The following CRYBG2 variants were observed in gnomAD, a reference collection of about 807,000 sequenced individuals.
The protein encoded by CRYBG2 is crystallin beta-gamma domain containing 2.
In CRYBG2, 106 loss-of-function variants were observed where a neutral mutation model predicts 153.4. The ratio of observed to expected loss-of-function variants is 0.69; its 90% confidence interval spans 0.59 to 0.81. The LOEUF is 0.81. CRYBG2 is among the 30% of genes least tolerant of loss of function. The pLI is 0.00. For missense variants in CRYBG2, 1,996 were observed against 2,112.0 expected (o/e 0.95, Z 1.08); for synonymous variants, 851 against 877.8 (o/e 0.97, Z 0.54).
At position 26,339,382 on chromosome 1, in the gene CRYBG2, C is replaced by T. The variant is rs142035096; in HGVS notation, c.3252G>A (p.Lys1084=). ...EISLFSEEGL[K]GEQVKLTEAL... Reference sequence around the variant, plus strand: ...CCTCTGTTAGCTTCACTTGCTCCCCCTTGAGGCCCTCCTCAGAGAAGAGGC... The same window carrying T: ...CCTCTGTTAGCTTCACTTGCTCCCCTTTGAGGCCCTCCTCAGAGAAGAGGC... The change falls in exon 6 of 20, where the codon AAG becomes AAA. Residue 1084 remains lysine (K), a synonymous_variant. Coordinates refer to ENST00000308182, the MANE Select transcript of CRYBG2 (RefSeq NM_001039775.4). 1.0e-3 allele frequency: 1,631 copies of T among 1,614,218 alleles called. 3 individuals are homozygous for T. Among genetic ancestry groups the T allele is most frequent in the Non-Finnish European group, 1.2e-3 (1,474 of 1,180,048 alleles).
In CRYBG2 at chr1:26,336,859, A is replaced by C. The variant is rs746110728; in HGVS notation, c.3893T>G (p.Ile1298Ser). The change falls in exon 11 of 20, where the codon ATC (isoleucine) becomes AGC (serine). Residue 1298 changes from isoleucine to serine, a missense_variant. By Grantham distance (142) the Ile-to-Ser change is moderately radical. Transcript: ENST00000308182. The surrounding 1 kb of genome is among the most constrained non-coding windows in gnomAD (Gnocchi z 4.9). ...LVQHGPSTQA[I>S]HVLSGVWVAY... is the part of the protein sequence containing the mutation. ...CACTTACACGCCGCTGAGCACGTGG[A>C]TGGCCTGTGTGCTGGGGCCGTGTTG... 9.4e-6 allele frequency: 15 copies of C among 1,602,772 alleles called. No individual in the cohort carries two copies. The highest frequency in any genetic ancestry group is 1.3e-5 in the Non-Finnish European group (15 of 1,175,442).
Position 26,337,341 on chromosome 1 carries a change from T to C in CRYBG2, c.3683A>G (p.Gln1228Arg), listed in dbSNP as rs1334060094. ...GTATTCCCCCTCCTCCAGCAGATAC[T>C]GGTGGCCCCGGAAGCCCTCCTTCTC... ...GYEKEGFRGH[Q>R]YLLEEGEYPD... The change falls in exon 10 of 20, where the codon CAG becomes CGG. Residue 1228 changes from glutamine (Q) to arginine (R), a missense_variant. Gln to Arg is a conservative substitution (Grantham distance 43). Transcript: ENST00000308182. 1 of 1,613,854 alleles carries C rather than the reference T, an allele frequency of 6.2e-7. No individual in the cohort carries two copies. The highest frequency in any genetic ancestry group is 8.5e-7 in the Non-Finnish European group (1 of 1,179,946).
rs776751400 is a variant in CRYBG2, at chr1:26,345,932, C to T, written c.726G>A (p.Val242=). 1 of 1,596,206 alleles carries T rather than the reference C, an allele frequency of 6.3e-7. No homozygotes were observed. Among genetic ancestry groups the T allele is most frequent in the Non-Finnish European group, 8.5e-7 (1 of 1,178,532 alleles). ...SQAVKVLSNL[V]PAGHSPPASH... ...TGGCAGGGGGGCTGTGCCCAGCAGG[C>T]ACGAGGTTACTTAGCACTTTCACGG... is the stretch of plus-strand genomic sequence containing the variant. Residue 242 remains valine (V), a synonymous_variant, in exon 2 of 20, where the codon GTG becomes GTA. Coordinates refer to ENST00000308182, the MANE Select transcript of CRYBG2 (RefSeq NM_001039775.4).
Position 26,336,978 on chromosome 1 carries a change from G to A in CRYBG2, c.3774C>T (p.Asp1258=). 1 of 1,613,680 alleles carries A rather than the reference G, an allele frequency of 6.2e-7. No individual in the cohort carries two copies. The highest frequency in any genetic ancestry group is 1.1e-5 in the South Asian group (1 of 91,008). ...LLTSLRVIRT[D]FGDPAVVLFE... is the part of the protein sequence containing the mutation. ...ATAGCACGACGGCCGGGTCCCCGAA[G>A]TCCTGGGTCCCCAGGGACAGTCAGG... is the stretch of plus-strand genomic sequence containing the variant. The change falls in exon 11 of 20, where the codon GAC becomes GAT. Residue 1258 remains aspartate, a splice_region_variant and synonymous_variant. Transcript: ENST00000308182. This position sits in a 1 kb window ranked among gnomAD's most constrained non-coding sequence, Gnocchi z 4.9.
In CRYBG2 at chr1:26,346,153, G is replaced by A. The variant is rs768289798; in HGVS notation, c.505C>T (p.Leu169Phe). The A allele has an allele frequency of 1.3e-6, 2 of 1,552,242 alleles. No individual in the cohort carries two copies. Among genetic ancestry groups the A allele is most frequent in the Non-Finnish European group, 8.7e-7 (1 of 1,154,740 alleles). The change falls in exon 2 of 20, where the codon CTC (leucine) becomes TTC (phenylalanine). Residue 169 changes from leucine to phenylalanine, a missense_variant. Physicochemically the swap from Leu to Phe is conservative, Grantham distance 22. Coordinates refer to ENST00000308182, the MANE Select transcript of CRYBG2 (RefSeq NM_001039775.4). This position sits in a 1 kb window ranked among gnomAD's most constrained non-coding sequence, Gnocchi z 4.9. ...GTGCGTGTCACTCGGTATTCCTCGA[G>A]GCTCCGGGAGCTACCACTGGTGAGA... ...VGLTSGSSRS[L>F]EEYRVTRTVR... is the part of the protein sequence containing the mutation.
chr1:26,322,084 A>G, intron 19 of CRYBG2, 28 bp from the exon 20 acceptor site: 4 of 1,601,806 alleles, frequency 2.5e-6, no homozygotes, highest in Non-Finnish European at 3.4e-6. Flanking sequence ...ATTAAAAGAT[A>G]GGGAGATAGT....
In CRYBG2 at chr1:26,336,251, T is replaced by C; in HGVS notation, c.4072-44A>G. The C allele has an allele frequency of 6.3e-7, 1 of 1,583,864 alleles. No homozygotes were observed. The highest frequency in any genetic ancestry group is 2.3e-5 in the East Asian group (1 of 43,194). On this transcript the variant is annotated intron_variant, in intron 13 of 19. Coordinates refer to ENST00000308182, the MANE Select transcript of CRYBG2 (RefSeq NM_001039775.4). The surrounding 1 kb of genome is among the most constrained non-coding windows in gnomAD (Gnocchi z 4.9). The stretch of plus-strand genomic sequence containing the variant: ...GATGAGGGGAAGGAGGACGATGGAG[T>C]GGGGCCGAGAACAGCGGGGAGGGGA...
chr1:26,332,033 C>T (rs1216570027), intron 14 of CRYBG2, among the ~76,000 whole-genome samples: 2 of 152,070 alleles, frequency 1.3e-5, no homozygotes, highest in South Asian at 2.1e-4. Context: ...GTGGGCTGGG[C>T]GCGGTGGCTC....
rs773412646 is a variant in CRYBG2, at chr1:26,331,476, C to T, written c.4314+13G>A. The stretch of plus-strand genomic sequence containing the variant: ...GCTTCCGGGATTGCCTGGAACCAGA[C>T]ATGGAAACTCACCAGGGATACCTTC... On this transcript the variant is annotated intron_variant, in intron 15 of 19. Coordinates refer to ENST00000308182, the MANE Select transcript of CRYBG2 (RefSeq NM_001039775.4). The T allele has an allele frequency of 6.2e-7, 1 of 1,606,276 alleles. No individual in the cohort carries two copies. Among genetic ancestry groups the T allele is most frequent in the Non-Finnish European group, 8.5e-7 (1 of 1,173,928 alleles).
intron 1 of CRYBG2, among the ~76,000 whole-genome samples, chr1:26,348,733 T>G (rs2074253842): frequency 1.3e-5 from 2 of 151,916 alleles, no homozygotes; most frequent in Admixed American, 6.5e-5. Flanking sequence ...TTTTTGTATT[T>G]TTAGTAGAGA....
chr1:26,339,842 A>G (rs967084032), intron 5 of CRYBG2, among the ~76,000 whole-genome samples: 1 of 152,202 alleles, frequency 6.6e-6, no homozygotes, highest in Non-Finnish European at 1.5e-5. Flanking sequence ...CTTCTGAGAA[A>G]ACCTTTGTAG....
In CRYBG2 at chr1:26,343,944, C is replaced by T; in HGVS notation, c.2714G>A (p.Gly905Glu). The change falls in exon 2 of 20, where the codon GGA becomes GAA. Residue 905 changes from glycine to glutamate, a missense_variant. Transcript: ENST00000308182. This position sits in a 1 kb window ranked among gnomAD's most constrained non-coding sequence, Gnocchi z 4.1. ...CAGACTGCCGAACAGAAGGCTGCCT[C>T]CAAGACGGGAAGTGGGCCTGCTGCC... ...QGGSRPTSRL[G>E]GSLLFGSLVP... 2 of 1,539,886 alleles carry T rather than the reference C, an allele frequency of 1.3e-6. No individual in the cohort carries two copies. The highest frequency in any genetic ancestry group is 1.7e-6 in the Non-Finnish European group (2 of 1,146,158).
chr1:26,340,054 A>G (rs1470447653), intron 5 of CRYBG2, among the ~76,000 whole-genome samples: 1 of 152,220 alleles, frequency 6.6e-6, no homozygotes, highest in Non-Finnish European at 1.5e-5. Context: ...GATGGGCAAG[A>G]TGGACAGCCA....
At chr1:26,342,561 G>A (rs757187776) in intron 5 of CRYBG2, among the ~76,000 whole-genome samples, 193 bp downstream of exon 5, 7 of 152,102 alleles carry the variant, frequency 4.6e-5, no homozygotes, top group South Asian at 2.1e-4. Flanking sequence ...CAGCACACTC[G>A]GCTAATTTTT....
chr1:26,340,902 C>T (rs1393810635), intron 5 of CRYBG2, among the ~76,000 whole-genome samples: 1 of 149,738 alleles, frequency 6.7e-6, no homozygotes, highest in Non-Finnish European at 1.5e-5. Flanking sequence ...CAGGCGTGAG[C>T]CACCGCGTCC....
chr1:26,337,733 A>C, intron 8 of CRYBG2, 59 bp from the exon 9 acceptor site: 1 of 1,586,182 alleles, frequency 6.3e-7, no homozygotes, highest in Non-Finnish European at 8.5e-7. Flanking sequence ...CCAGCTCAGG[A>C]ATGGCTCTGC....
At position 26,345,429 on chromosome 1, in the gene CRYBG2, C is replaced by G. The variant is rs77912442; in HGVS notation, c.1229G>C (p.Ser410Thr). The G allele has an allele frequency of 3.1e-3, 4,976 of 1,608,224 alleles. 142 individuals are homozygous for G. The African/African-American group carries it at 0.058, about 19-fold the overall frequency. Residue 410 changes from serine to threonine, a missense_variant, in exon 2 of 20, where the codon AGC becomes ACC. Physicochemically the swap from Ser to Thr is moderately conservative, Grantham distance 58. Transcript: ENST00000308182. Reference protein sequence around the residue: ...PAATVLPMVRSEHVTVPGQPP... With the variant: ...PAATVLPMVRTEHVTVPGQPP... ...TTGTCCAGGGACTGTCACATGCTCGCTCCTCACCATGGGCAGGACGGTGGC... is the reference window on the plus strand; with the variant it reads ...TTGTCCAGGGACTGTCACATGCTCGGTCCTCACCATGGGCAGGACGGTGGC...
At chr1:26,337,033 G>A (rs1490138997) in intron 10 of CRYBG2, 53 bp from the exon 11 acceptor site, 7 of 1,603,888 alleles carry the variant, frequency 4.4e-6, no homozygotes, top group Non-Finnish European at 6.0e-6. Flanking sequence ...GAAACCCCTG[G>A]GAGTGCCCAG....
chr1:26,348,714 C>A (rs983386148), intron 1 of CRYBG2, among the ~76,000 whole-genome samples: 1 of 151,952 alleles, frequency 6.6e-6, no homozygotes, highest in Admixed American at 6.5e-5. Flanking sequence ...TGCCACCATG[C>A]CCAGCTAATT....
Sources: gnomAD v4.1 joint callset for allele counts (sites outside exome capture counted in the v4.1 genomes callset) on GRCh38, gnomAD v4.1.1 for gene constraint, Gnocchi (gnomAD v3.1) non-coding constraint, MANE v1.5 for transcripts, NCBI Gene and HGNC (gene_info 2026-07-23, HGNC 2026-07-21) for gene names.